CHRM5: variants seen among roughly 807,000 people sequenced by gnomAD.
The protein encoded by CHRM5 is cholinergic receptor muscarinic 5.
Under a neutral mutation model 39.0 loss-of-function variants are expected in CHRM5, and 18 were observed. That is an observed-to-expected ratio of 0.46 (90% CI 0.32 to 0.68). The LOEUF is 0.68. Among genes scored for constraint, CHRM5 ranks in the 30% least tolerant of loss-of-function variants. The pLI is 0.04. For missense variants in CHRM5, 515 were observed against 651.1 expected (o/e 0.79, Z 2.28); for synonymous variants, 241 against 246.3 (o/e 0.98, Z 0.20).
chr15:33,983,250 A>C (rs1842462342), intron 1 of CHRM5, among the ~76,000 whole-genome samples: 1 of 130,722 alleles, frequency 7.6e-6, no homozygotes. Context: ...ACACACATAT[A>C]TATGGCTTCT....
chr15:34,023,918 G>C (rs889069402), intron 1 of CHRM5, among the ~76,000 whole-genome samples: 8 of 152,128 alleles, frequency 5.3e-5, no homozygotes, highest in Non-Finnish European at 1.0e-4. Flanking sequence ...TGGCAAAATA[G>C]AGGACTCTAT....
chr15:34,040,954 T>C (rs1899449999), intron 1 of CHRM5, among the ~76,000 whole-genome samples: 1 of 151,320 alleles, frequency 6.6e-6, no homozygotes, highest in Non-Finnish European at 1.5e-5. Flanking sequence ...ATTTAGACCA[T>C]AGCAGTGGGG....
At chr15:34,002,255 A>G (rs1897164503) in intron 1 of CHRM5, among the ~76,000 whole-genome samples, 1 of 152,238 alleles carries the variant, frequency 6.6e-6, no homozygotes, top group Admixed American at 6.5e-5. Context: ...CACCGCAGTC[A>G]AGATACTAAT....
chr15:34,001,022 T>A (rs867134029), intron 1 of CHRM5, among the ~76,000 whole-genome samples: 1 of 150,452 alleles, frequency 6.6e-6, no homozygotes. Context: ...GACTAGAATT[T>A]TTTTTTTTTT....
At chr15:34,030,388 C>T (rs1224611528) in intron 1 of CHRM5, among the ~76,000 whole-genome samples, 1 of 152,060 alleles carries the variant, frequency 6.6e-6, no homozygotes, top group Non-Finnish European at 1.5e-5. Flanking sequence ...CTCTGTCGCC[C>T]AGGCTGGAGT....
chr15:33,971,354 G>A (rs1381074594), intron 1 of CHRM5, among the ~76,000 whole-genome samples: 3 of 151,846 alleles, frequency 2.0e-5, no homozygotes, highest in Non-Finnish European at 2.9e-5. Context: ...CATAGAAATG[G>A]AGCAAATATT....
chr15:33,991,636 G>A (rs907833700), intron 1 of CHRM5: 4 of 152,100 alleles, frequency 2.6e-5, no homozygotes, highest in Admixed American at 6.5e-5. Context: ...CTCAAATCAT[G>A]GGGAAATAAA....
intron 1 of CHRM5, among the ~76,000 whole-genome samples, chr15:34,042,960 T>C (rs1274485743): frequency 6.6e-6 from 1 of 151,904 alleles, no homozygotes; most frequent in East Asian, 2.0e-4. Context: ...TCTAAGACTA[T>C]GGATTGGCCA....
chr15:33,985,924 G>T (rs79918956), intron 1 of CHRM5, among the ~76,000 whole-genome samples: 1 of 152,006 alleles, frequency 6.6e-6, no homozygotes, highest in African/African-American at 2.4e-5. Context: ...TTCTCTCAAG[G>T]GCAGAATGCC....
chr15:34,037,848 C>T (rs1455341580), intron 1 of CHRM5, among the ~76,000 whole-genome samples: 1 of 152,020 alleles, frequency 6.6e-6, no homozygotes, highest in Non-Finnish European at 1.5e-5. Flanking sequence ...ATTGTAAATA[C>T]TTCAGTAAGA....
intron 1 of CHRM5, among the ~76,000 whole-genome samples, chr15:33,988,893 C>T (rs1305298173): frequency 1.3e-5 from 2 of 152,166 alleles, no homozygotes; most frequent in Admixed American, 6.5e-5. Context: ...CCCTTGGATG[C>T]CCAGTTAACA....
rs749188300 is a variant in CHRM5, at chr15:34,063,557, C to T, written c.840C>T (p.Thr280=). The change falls in exon 3 of 3, where the codon ACC becomes ACT. Residue 280 remains threonine, a synonymous_variant. Coordinates refer to ENST00000383263, the MANE Select transcript of CHRM5 (RefSeq NM_012125.4). This position sits in a 1 kb window ranked among gnomAD's most constrained non-coding sequence, Gnocchi z 4.1. ...SWSSSRRSTS[T]TGKPSQATGP... is the part of the protein sequence containing the mutation. ...CATCCTCCCGCAGGAGCACCTCCACCACTGGGAAGCCATCCCAAGCCACTG... is the reference window on the plus strand; with the variant it reads ...CATCCTCCCGCAGGAGCACCTCCACTACTGGGAAGCCATCCCAAGCCACTG... 1.9e-6 allele frequency: 3 copies of T among 1,613,632 alleles called. No individual in the cohort carries two copies. The highest frequency in any genetic ancestry group is 1.3e-5 in the African/African-American group (1 of 75,068).
chr15:34,039,120 G>A, intron 1 of CHRM5: 1 of 1,049,634 alleles, frequency 9.5e-7, no homozygotes. Context: ...ACCGGAAGCG[G>A]GCCGCACGGA....
At chr15:34,038,686 C>T (rs887786480) in intron 1 of CHRM5, 5 of 1,070,016 alleles carry the variant, frequency 4.7e-6, no homozygotes, top group Non-Finnish European at 5.7e-6. Context: ...CTGGCGCGCG[C>T]CTGGCACGCT....
rs117928788 is a variant in CHRM5 at position 33,985,099 on chromosome 15, T to C, written c.-408+15949T>C. ...CTGTATTTGTTGGTTTCCTCACATC[T>C]ATATCACCTCACAAGAGATATTTGC... On this transcript the variant is annotated intron_variant, in intron 1 of 2. Coordinates refer to ENST00000383263, the MANE Select transcript of CHRM5 (RefSeq NM_012125.4). Among the ~76,000 whole-genome samples, 855 of 152,212 alleles carry C rather than the reference T, an allele frequency of 5.6e-3. 6 individuals carry two copies. Among genetic ancestry groups the C allele is most frequent in the Non-Finnish European group, 9.1e-3 (617 of 68,008 alleles).
chr15:34,031,946 T>C (rs2140765167), intron 1 of CHRM5, among the ~76,000 whole-genome samples: 1 of 152,160 alleles, frequency 6.6e-6, no homozygotes, highest in Admixed American at 6.6e-5. Context: ...AACAAAGCTG[T>C]TAATTATTTC....
At chr15:34,052,511 A>G (rs1433171010) in intron 2 of CHRM5, among the ~76,000 whole-genome samples, 3 of 152,242 alleles carry the variant, frequency 2.0e-5, no homozygotes, top group African/African-American at 4.8e-5. Flanking sequence ...ATCAGGCAAG[A>G]GAAAGAAATG....
rs371615562 is a variant in CHRM5 at position 34,044,923 on chromosome 15, C to T, written c.-407-1617C>T. On this transcript the variant is annotated intron_variant, in intron 1 of 2. Transcript: ENST00000383263. ...ATTAGCTGGGCATGGTGGTGGGTGC[C>T]TGTAGTCCCAGCTACTCAGGAGGCT... Among the ~76,000 whole-genome samples the T allele has an allele frequency of 8.4e-4, 128 of 152,282 alleles. 1 individual carries two copies. In the South Asian group the frequency reaches 0.014, roughly 16 times the overall value.
At chr15:33,982,472 A>G (rs934281415) in intron 1 of CHRM5, among the ~76,000 whole-genome samples, 1 of 152,236 alleles carries the variant, frequency 6.6e-6, no homozygotes, top group Non-Finnish European at 1.5e-5. Context: ...TATTTTCTGG[A>G]GCAAAGCAAT....
Sources: allele counts gnomAD v4.1 joint callset (sites outside exome capture counted in the v4.1 genomes callset), GRCh38; gene constraint gnomAD v4.1.1; non-coding constraint Gnocchi (gnomAD v3.1); transcripts MANE v1.5; gene names NCBI Gene and HGNC (gene_info 2026-07-23, HGNC 2026-07-21).